The following NR5A2 variants were observed in gnomAD, a reference collection of about 807,000 sequenced individuals.
NR5A2 encodes the protein nuclear receptor subfamily 5 group A member 2.
A neutral mutation model predicts 62.7 loss-of-function variants in NR5A2; 26 were observed. The ratio of observed to expected loss-of-function variants is 0.41; its 90% CI spans 0.30 to 0.58. The LOEUF (loss-of-function observed/expected upper bound fraction) is 0.58, where lower values mean the gene tolerates loss of function less well. Ranked by LOEUF, NR5A2 falls within the 20% of genes least tolerant of loss-of-function variation. The pLI is 0.22. For synonymous variants in NR5A2, 246 were observed against 241.7 expected (o/e 1.02, Z -0.16); for missense variants, 541 against 669.1 (o/e 0.81, Z 2.11).
intron 5 of NR5A2, among the ~76,000 whole-genome samples, chr1:200,107,717 G>T (rs886924778): frequency 3.9e-5 from 6 of 151,956 alleles, no homozygotes; most frequent in Non-Finnish European, 7.4e-5. Flanking sequence ...TCGGCTCACT[G>T]CAACCTCTGC....
Position 200,175,088 on chromosome 1 carries a change from T to A in NR5A2, c.*878T>A, listed in dbSNP as rs1286872961. 5 of 152,760 alleles carry A rather than the reference T, an allele frequency of 3.3e-5. No individual in the cohort carries two copies. Among genetic ancestry groups the A allele is most frequent in the African/African-American group, 1.2e-4 (5 of 41,576 alleles). 9.5% of individuals were successfully genotyped at this position (152,760 alleles called of 1,614,324 possible). A position where few individuals can be genotyped will look rare whatever the true frequency, so the allele number is the denominator to read the frequency against. ...GGCATTGTTGGATTTCATAAAAAAT[T>A]TCTGGCAGGAAGTCTTGTTAGTATA... On this transcript the variant is annotated 3_prime_UTR_variant, in exon 8 of 8. Transcript: ENST00000367362.
intron 5 of NR5A2, among the ~76,000 whole-genome samples, chr1:200,083,738 A>G (rs2821316): frequency 0.62 from 94,227 of 151,826 alleles, 29,711 homozygotes; most frequent in African/African-American, 0.74. Flanking sequence ...AGGCTGAGGC[A>G]GGTGGATCAC....
intron 7 of NR5A2, among the ~76,000 whole-genome samples, chr1:200,123,687 C>T (rs752418549): frequency 1.3e-5 from 2 of 151,654 alleles, no homozygotes; most frequent in East Asian, 1.9e-4. Context: ...GGAAAGTGGA[C>T]TGGACCAAGA....
intron 5 of NR5A2, among the ~76,000 whole-genome samples, chr1:200,099,343 CTTT>C (rs11301306): frequency 2.0e-5 from 3 of 147,518 alleles, no homozygotes; most frequent in African/African-American, 5.0e-5. Flanking sequence ...CTCTATAAGC[CTTT>C]TTTTTTTTTT....
In NR5A2 at chr1:200,147,714, C is replaced by A; in HGVS notation, c.1379-26249C>A. On this transcript the variant is annotated intron_variant, in intron 7 of 7. Coordinates refer to ENST00000367362, the MANE Select transcript of NR5A2 (RefSeq NM_205860.3). This position sits in a 1 kb window ranked among gnomAD's most constrained non-coding sequence, Gnocchi z 4.9. The stretch of plus-strand genomic sequence containing the variant: ...GCTCCGAGGCGATCTCCTCCAGCTC[C>A]TCCCTGAGCGCCTCTCCCACGTCCA... 3 of 642,626 alleles carry A rather than the reference C, an allele frequency of 4.7e-6. No individual in the cohort carries two copies. Among genetic ancestry groups the A allele is most frequent in the South Asian group, 3.0e-5 (2 of 65,872 alleles). 39.8% of individuals were successfully genotyped at this position (642,626 alleles called of 1,614,324 possible). A position where few individuals can be genotyped will look rare whatever the true frequency, so the allele number is the denominator to read the frequency against.
chr1:200,060,992 C>T (rs2102195016), intron 5 of NR5A2, among the ~76,000 whole-genome samples: 1 of 149,238 alleles, frequency 6.7e-6, no homozygotes, highest in African/African-American at 2.5e-5. Context: ...TGGCAGCGGC[C>T]ACCTGTAATC....
chr1:200,121,491 A>T (rs1198012778), intron 7 of NR5A2, among the ~76,000 whole-genome samples: 1 of 152,240 alleles, frequency 6.6e-6, no homozygotes, highest in Non-Finnish European at 1.5e-5. Context: ...AGGGGAAAGG[A>T]TGATTCTTTA....
At chr1:200,090,231 T>C (rs1163936453) in intron 5 of NR5A2, among the ~76,000 whole-genome samples, 2 of 152,250 alleles carry the variant, frequency 1.3e-5, no homozygotes, top group Admixed American at 1.3e-4. Context: ...CAGAAATTCA[T>C]TTATGATTAT....
chr1:200,068,117 T>A (rs188255644), intron 5 of NR5A2, among the ~76,000 whole-genome samples: 1 of 152,222 alleles, frequency 6.6e-6, no homozygotes, highest in Non-Finnish European at 1.5e-5. Context: ...ATATTTTTTG[T>A]AAGCTTTATC....
chr1:200,113,403 A>G (rs1666053991), intron 6 of NR5A2, among the ~76,000 whole-genome samples: 1 of 152,198 alleles, frequency 6.6e-6, no homozygotes. Context: ...ATTATGGTAG[A>G]CATGTTTATT....
rs1661944018 is a variant in NR5A2 at position 200,039,415 on chromosome 1, T to G, written c.65-243T>G. ...TCGCCACCGCCGCCGCCTGCGCCCTTGCGGAGCCGAACCAGAGGGCCGGGA... is the reference window on the plus strand; with the variant it reads ...TCGCCACCGCCGCCGCCTGCGCCCTGGCGGAGCCGAACCAGAGGGCCGGGA... On this transcript the variant is annotated intron_variant, in intron 1 of 7. Coordinates refer to ENST00000367362, the MANE Select transcript of NR5A2 (RefSeq NM_205860.3). This position sits in a 1 kb window ranked among gnomAD's most constrained non-coding sequence, Gnocchi z 5.1. 6.6e-6 allele frequency among the ~76,000 whole-genome samples: 1 copy of G among 151,702 alleles called. No homozygotes were observed. Among genetic ancestry groups the G allele is most frequent in the Admixed American group, 6.6e-5 (1 of 15,264 alleles).
chr1:200,078,313 C>T (rs1664136490), intron 5 of NR5A2, among the ~76,000 whole-genome samples: 1 of 152,182 alleles, frequency 6.6e-6, no homozygotes. Flanking sequence ...TCCCAGCTAC[C>T]TTGCTTTAGA....
At chr1:200,143,766 C>A (rs779819770) in intron 7 of NR5A2, among the ~76,000 whole-genome samples, 1 of 151,642 alleles carries the variant, frequency 6.6e-6, no homozygotes, top group South Asian at 2.1e-4. Context: ...CTCAGCCTCC[C>A]GAGTAGCTGG....
At position 200,039,733 on chromosome 1, in the gene NR5A2, C is replaced by G; in HGVS notation, c.140C>G (p.Thr47Arg). The change falls in exon 2 of 8, where the codon ACG becomes AGG. Residue 47 changes from threonine (T) to arginine (R), a missense_variant. This residue lies in a region of NR5A2 where 108 missense variants were observed against 103.3 expected (regional missense o/e 1.05). Transcript: ENST00000367362. The surrounding 1 kb of genome is among the most constrained non-coding windows in gnomAD (Gnocchi z 5.1). ...CTTGTCATGCTGCCCAAAGTGGAGA[C>G]GGAAGCCCTGGGACTGGCTCGATCG... ...GRLVMLPKVE[T>R]EALGLARSHG... is the part of the protein sequence containing the mutation. The G allele has an allele frequency of 6.2e-7, 1 of 1,612,048 alleles. No homozygotes were observed. Among genetic ancestry groups the G allele is most frequent in the Non-Finnish European group, 8.5e-7 (1 of 1,179,114 alleles).
intron 5 of NR5A2, among the ~76,000 whole-genome samples, chr1:200,088,047 G>A (rs1355602933): frequency 3.3e-5 from 5 of 151,854 alleles, no homozygotes; most frequent in Admixed American, 1.3e-4. Flanking sequence ...CACCATGCCC[G>A]GCCCCTTGCT....
At chr1:200,028,273 T>G (rs1234712115) in intron 1 of NR5A2, among the ~76,000 whole-genome samples, 1 of 152,120 alleles carries the variant, frequency 6.6e-6, no homozygotes, top group Non-Finnish European at 1.5e-5. Flanking sequence ...AAGTTAATCA[T>G]ATTGAGTGAT....
intron 5 of NR5A2, among the ~76,000 whole-genome samples, chr1:200,066,586 A>ATTTTT (rs1663480896): frequency 1.1e-5 from 1 of 87,772 alleles, no homozygotes; most frequent in Non-Finnish European, 2.1e-5. Flanking sequence ...TTAATTAATT[A>ATTTTT]TCTTTTTTTT....
intron 6 of NR5A2, among the ~76,000 whole-genome samples, chr1:200,116,990 G>A (rs1352524909): frequency 6.6e-6 from 1 of 152,084 alleles, no homozygotes; most frequent in Non-Finnish European, 1.5e-5. Context: ...TAAAATGACA[G>A]GCATCTTATA....
chr1:200,046,315 A>G (rs1662361041), intron 4 of NR5A2, among the ~76,000 whole-genome samples: 1 of 152,228 alleles, frequency 6.6e-6, no homozygotes, highest in Non-Finnish European at 1.5e-5. Context: ...CAGTAAAGTT[A>G]ATATGTGACT....
Sources: gnomAD v4.1 joint callset for allele counts (sites outside exome capture counted in the v4.1 genomes callset) on GRCh38, gnomAD v4.1.1 for gene constraint, gnomAD v4.1.1 regional missense constraint, Gnocchi (gnomAD v3.1) non-coding constraint, MANE v1.5 for transcripts, NCBI Gene and HGNC (gene_info 2026-07-23, HGNC 2026-07-21) for gene names.